Variants in IFNAR1 observed in about 807,000 individuals in gnomAD.
The protein encoded by IFNAR1 is interferon alpha and beta receptor subunit 1.
A neutral mutation model predicts 62.1 loss-of-function variants in IFNAR1; 47 were observed. The observed-to-expected ratio is 0.76, with a 90% CI of 0.60 to 0.97. The LOEUF is 0.97. Ranked by LOEUF, IFNAR1 falls within the 50% of genes least tolerant of loss-of-function variation. The pLI is 0.00. For missense variants in IFNAR1, 638 were observed against 654.5 expected, an observed-to-expected ratio of 0.97 and a Z score of 0.27; for synonymous variants, 219 against 226.9, an observed-to-expected ratio of 0.97 and a Z score of 0.31.
At chr21:33,339,973 A>G (rs1002505707) in intron 2 of IFNAR1, among the ~76,000 whole-genome samples, 1 of 149,292 alleles carries the variant, frequency 6.7e-6, no homozygotes, top group Non-Finnish European at 1.5e-5. Flanking sequence ...GTTCGTTTCT[A>G]TCCCTCACTT....
At chr21:33,338,900 G>A (rs915712312) in intron 2 of IFNAR1, among the ~76,000 whole-genome samples, 26 of 151,548 alleles carry the variant, frequency 1.7e-4, no homozygotes, top group African/African-American at 6.1e-4. Context: ...GCACCCCCAC[G>A]CCCGGCTAAT....
At chr21:33,355,187 T>C (rs2083435490) in intron 10 of IFNAR1, 129 bp from the exon 11 acceptor site, 1 of 574,834 alleles carries the variant, frequency 1.7e-6, no homozygotes, top group Non-Finnish European at 3.0e-6. Context: ...TAGGCGACTT[T>C]TTAATATGCA....
upstream of IFNAR1, chr21:33,324,942 A>T: frequency 1.2e-6 from 1 of 867,464 alleles, no homozygotes; most frequent in Non-Finnish European, 1.8e-6. Flanking sequence ...GGTGAGAGCT[A>T]AGAGGGGCAG....
chr21:33,335,569 T>C lies in IFNAR1; in HGVS notation c.122T>C (p.Ile41Thr). The change falls in exon 2 of 11, where the codon ATA (isoleucine) becomes ACA (threonine). Residue 41 changes from isoleucine to threonine, a missense_variant. Ile to Thr is a moderately conservative substitution (Grantham distance 89, BLOSUM62 -1). Transcript: ENST00000270139. ...KSPQKVEVDI[I>T]DDNFILRWNR... is the part of the protein sequence containing the mutation. ...CCTCAAAAAGTAGAGGTCGACATCA[T>C]AGATGACAACTTTATCCTGAGGTGG... 1 of 1,607,130 alleles carries C rather than the reference T, an allele frequency of 6.2e-7. No homozygotes were observed. The highest frequency in any genetic ancestry group is 8.5e-7 in the Non-Finnish European group (1 of 1,176,188).
Position 33,325,016 on chromosome 21 carries a change from G to T in IFNAR1, c.-40G>T. On this transcript the variant is annotated 5_prime_UTR_variant, in exon 1 of 11. Coordinates refer to ENST00000270139, the MANE Select transcript of IFNAR1 (RefSeq NM_000629.3). Reference sequence around the variant, plus strand: ...ATGGCGGCTGAGAGGAGCTGCGCGTGCGCGAACATGTAACTGGTGGGATCT... The same window carrying T: ...ATGGCGGCTGAGAGGAGCTGCGCGTTCGCGAACATGTAACTGGTGGGATCT... 6.4e-7 allele frequency: 1 copy of T among 1,552,080 alleles called. No homozygotes were observed. Among genetic ancestry groups the T allele is most frequent in the Non-Finnish European group, 8.7e-7 (1 of 1,143,876 alleles).
intron 1 of IFNAR1, among the ~76,000 whole-genome samples, 168 bp from the exon 2 acceptor site, chr21:33,335,356 T>G (rs995694926): frequency 6.6e-6 from 1 of 152,244 alleles, no homozygotes; most frequent in Non-Finnish European, 1.5e-5. Flanking sequence ...AATGTAATTA[T>G]CAGCATCCCT....
chr21:33,325,680 C>CGTTTTGTGACTG (rs2083120188), intron 1 of IFNAR1, among the ~76,000 whole-genome samples: 1 of 152,146 alleles, frequency 6.6e-6, no homozygotes, highest in South Asian at 2.1e-4. Flanking sequence ...GCCACAAACA[C>CGTTTTGTGACTG]GTCTGTGACT....
intron 6 of IFNAR1, among the ~76,000 whole-genome samples, chr21:33,347,014 A>G (rs1255113273): frequency 6.6e-6 from 1 of 152,148 alleles, no homozygotes; most frequent in Non-Finnish European, 1.5e-5. Flanking sequence ...TCAGTCATTC[A>G]TACAAGACTT....
At chr21:33,343,771 C>A in intron 5 of IFNAR1, 95 bp downstream of exon 5, 3 of 732,954 alleles carry the variant, frequency 4.1e-6, no homozygotes, top group South Asian at 2.1e-5. Context: ...CATGATAGGT[C>A]AATATATGTT....
intron 2 of IFNAR1, among the ~76,000 whole-genome samples, chr21:33,338,360 C>G (rs903297966): frequency 8.5e-6 from 1 of 117,490 alleles, no homozygotes; most frequent in Non-Finnish European, 1.7e-5. Context: ...TGGTGAAACC[C>G]CATCTCTACT....
At position 33,358,493 on chromosome 21, in the gene IFNAR1, G is replaced by A. The variant is rs759620771; in HGVS notation, c.*2944G>A. 2.6e-5 allele frequency: 4 copies of A among 151,760 alleles called. No homozygotes were observed. Among genetic ancestry groups the A allele is most frequent in the Admixed American group, 6.6e-5 (1 of 15,232 alleles). The allele number at this position is 151,760 out of a possible 1,614,324, so 9.4% of individuals were successfully genotyped here. A position where few individuals can be genotyped will look rare whatever the true frequency, so the allele number is the denominator to read the frequency against. On this transcript the variant is annotated 3_prime_UTR_variant, in exon 11 of 11. Coordinates refer to ENST00000270139, the MANE Select transcript of IFNAR1 (RefSeq NM_000629.3). ...TACAGATTAACATTATATATAATAT[G>A]TACCTGTGTCACTTCTGACATGAGC...
chr21:33,349,651 C>A, intron 8 of IFNAR1, 108 bp downstream of exon 8: 1 of 798,706 alleles, frequency 1.3e-6, no homozygotes, highest in Non-Finnish European at 1.9e-6. Flanking sequence ...TTTATGTGGG[C>A]TGGATGCAGT....
In IFNAR1 at chr21:33,359,017, C is replaced by CT; in HGVS notation, c.*3469dup. ...TTGATTTATTTTGTTTGCTGTCTGTCTCCCCTGCCCCACTGCTGGAACAGA... is the reference window on the plus strand; with the variant it reads ...TTGATTTATTTTGTTTGCTGTCTGTCTTCCCCTGCCCCACTGCTGGAACAGA... On this transcript the variant is annotated 3_prime_UTR_variant, in exon 11 of 11. Transcript: ENST00000270139. The CT allele has an allele frequency of 6.6e-6, 1 of 152,278 alleles. No individual in the cohort carries two copies. Among genetic ancestry groups the CT allele is most frequent in the East Asian group, 1.9e-4 (1 of 5,186 alleles). The allele number at this position is 152,278 out of a possible 1,614,324, so 9.4% of individuals were successfully genotyped here.
At chr21:33,354,316 TG>T (rs1274811056) in intron 10 of IFNAR1, among the ~76,000 whole-genome samples, 1 of 152,208 alleles carries the variant, frequency 6.6e-6, no homozygotes, top group African/African-American at 2.4e-5. Flanking sequence ...CACTCCAGCC[TG>T]GGTGACAGAG....
At chr21:33,328,903 T>C (rs1483544455) in intron 1 of IFNAR1, among the ~76,000 whole-genome samples, 3 of 152,112 alleles carry the variant, frequency 2.0e-5, no homozygotes, top group African/African-American at 7.2e-5. Flanking sequence ...ATATAAAACA[T>C]TTTAATATAC....
Position 33,341,154 on chromosome 21 carries a change from C to G in IFNAR1, c.356C>G (p.Ser119Ter). The change falls in exon 3 of 11, where the codon TCA becomes TGA. Residue 119 changes from serine (S) to a stop codon, truncating the protein, a stop_gained. Coordinates refer to ENST00000270139, the MANE Select transcript of IFNAR1 (RefSeq NM_000629.3). LOFTEE classifies it high-confidence loss of function. ...ENTSSWYEVD[S>*]FTPFRKAQIG... is the part of the protein sequence containing the mutation. ...ACTTCTTCATGGTATGAGGTTGACT[C>G]ATTTACACCATTTCGCAAAGGTAAG... 3 of 1,608,524 alleles carry G rather than the reference C, an allele frequency of 1.9e-6. No homozygotes were observed. Among genetic ancestry groups the G allele is most frequent in the Non-Finnish European group, 2.5e-6 (3 of 1,177,786 alleles).
At chr21:33,328,548 C>T (rs1283999528) in intron 1 of IFNAR1, among the ~76,000 whole-genome samples, 5 of 152,068 alleles carry the variant, frequency 3.3e-5, no homozygotes, top group Admixed American at 3.3e-4. Context: ...AACTCAAGAC[C>T]TTAAGTTTAC....
chr21:33,325,153 CTT>C, intron 1 of IFNAR1, 22 bp downstream of exon 1: 1 of 1,602,050 alleles, frequency 6.2e-7, no homozygotes, highest in East Asian at 2.2e-5. Context: ...GGAGGAGAGT[CTT>C]GGCGCAGGGC....
chr21:33,326,118 T>TA (rs2083124070), intron 1 of IFNAR1, among the ~76,000 whole-genome samples: 1 of 152,040 alleles, frequency 6.6e-6, no homozygotes, highest in African/African-American at 2.4e-5. Flanking sequence ...TCAGAAGTCA[T>TA]AAAAATAGTC....
Sources: allele counts gnomAD v4.1 joint callset (sites outside exome capture counted in the v4.1 genomes callset), GRCh38; gene constraint gnomAD v4.1.1; transcripts MANE v1.5; gene names NCBI Gene and HGNC (gene_info 2026-07-23, HGNC 2026-07-21).